PRKN: variants seen among roughly 807,000 people sequenced by gnomAD.
PRKN encodes the protein E3 ubiquitin-protein ligase parkin.
A neutral mutation model predicts 59.5 loss-of-function variants in PRKN; 56 were observed. That is an observed-to-expected ratio of 0.94 (90% CI 0.76 to 1.18). The LOEUF (loss-of-function observed/expected upper bound fraction) is 1.18, where lower values mean the gene tolerates loss of function less well. Among genes scored for constraint, PRKN ranks in the 50% most tolerant of loss-of-function variants. The probability of loss-of-function intolerance (pLI) is 0.00; values close to 1 mark genes in which losing one functional copy is unlikely to be tolerated. For missense variants in PRKN, 657 were observed against 596.4 expected, an observed-to-expected ratio of 1.10 and a Z score of -1.06; for synonymous variants, 250 against 222.1, an observed-to-expected ratio of 1.13 and a Z score of -1.12.
intron 10 of PRKN, among the ~76,000 whole-genome samples, chr6:161,375,716 G>C (rs1271168363): frequency 6.6e-6 from 1 of 152,202 alleles, no homozygotes; most frequent in African/African-American, 2.4e-5. Context: ...TGCTGCCCCA[G>C]AGCAAACCTT....
At chr6:161,620,496 T>C (rs1224491842) in intron 7 of PRKN, among the ~76,000 whole-genome samples, 1 of 152,174 alleles carries the variant, frequency 6.6e-6, no homozygotes, top group Admixed American at 6.5e-5. Flanking sequence ...AGGAATTATG[T>C]CGGATGTAGG....
At chr6:162,662,089 T>A (rs2128228410) in intron 1 of PRKN, among the ~76,000 whole-genome samples, 1 of 150,318 alleles carries the variant, frequency 6.7e-6, no homozygotes, top group East Asian at 1.9e-4. Context: ...TGAATGAAGG[T>A]ATCTTTTTTT....
At chr6:162,068,993 T>C (rs1489772700) in intron 4 of PRKN, among the ~76,000 whole-genome samples, 1 of 152,200 alleles carries the variant, frequency 6.6e-6, no homozygotes, top group African/African-American at 2.4e-5. Context: ...TAAACACATG[T>C]TTCAGTTTAG....
intron 6 of PRKN, among the ~76,000 whole-genome samples, chr6:161,852,414 C>T (rs1172807520): frequency 1.3e-5 from 2 of 152,134 alleles, no homozygotes; most frequent in East Asian, 1.9e-4. Context: ...GATCACATCA[C>T]TGCACTCCAG....
intron 4 of PRKN, among the ~76,000 whole-genome samples, chr6:162,167,193 T>C (rs1174114979): frequency 6.6e-6 from 1 of 152,170 alleles, no homozygotes; most frequent in East Asian, 1.9e-4. Flanking sequence ...TTTTAAATAA[T>C]TGAATATATA....
chr6:162,391,936 A>G (rs889079696), intron 2 of PRKN, among the ~76,000 whole-genome samples: 1 of 152,206 alleles, frequency 6.6e-6, no homozygotes, highest in Non-Finnish European at 1.5e-5. Context: ...TAAATAGTGC[A>G]CTTGGCTAAG....
In PRKN at chr6:162,675,024, TTTATTTTATTTA is replaced by T. The variant is rs1402633243; in HGVS notation, c.7+52626_7+52637del. On this transcript the variant is annotated intron_variant, in intron 1 of 11. Transcript: ENST00000366898. Reference sequence around the variant, plus strand: ...TTTTGGGGCGGCAGAGAAAGAAGACTTTATTTTATTTATTTATTTATTTATTTATTTATTTAT... The same window carrying T: ...TTTTGGGGCGGCAGAGAAAGAAGACTTTTATTTATTTATTTATTTATTTAT... Among the ~76,000 whole-genome samples the T allele has an allele frequency of 6.8e-5, 7 of 103,686 alleles. No individual in the cohort carries two copies. The Admixed American group carries it at 7.1e-4, about 11-fold the overall frequency. 68.0% of individuals were successfully genotyped at this position (103,686 alleles called of 152,430 possible). A position where few individuals can be genotyped will look rare whatever the true frequency, so the allele number is the denominator to read the frequency against.
intron 7 of PRKN, among the ~76,000 whole-genome samples, chr6:161,775,547 G>T (rs1789887959): frequency 1.3e-5 from 2 of 152,292 alleles, no homozygotes; most frequent in South Asian, 4.1e-4. Flanking sequence ...GCCTAAGTTA[G>T]CAATTCCGTA....
intron 6 of PRKN, among the ~76,000 whole-genome samples, chr6:161,925,535 C>T (rs1344464408): frequency 2.0e-5 from 3 of 152,008 alleles, no homozygotes; most frequent in African/African-American, 7.3e-5. Flanking sequence ...CGTGCCACTG[C>T]ACTCCACGCT....
Position 161,710,792 on chromosome 6 carries a change from T to C in PRKN, c.871+74980A>G, listed in dbSNP as rs533455280. 5.3e-5 allele frequency among the ~76,000 whole-genome samples: 8 copies of C among 151,856 alleles called. No homozygotes were observed. In the South Asian group the frequency reaches 1.7e-3, roughly 32 times the overall value. ...GCCTGCTTAACTTCCTTCCTTCTTT[T>C]CTTTCTTCCTTCCTTCCCTCCCTCC... On this transcript the variant is annotated intron_variant, in intron 7 of 11. Transcript: ENST00000366898.
chr6:162,196,330 G>T (rs956489135), intron 4 of PRKN, among the ~76,000 whole-genome samples: 1 of 152,136 alleles, frequency 6.6e-6, no homozygotes, highest in Non-Finnish European at 1.5e-5. Flanking sequence ...ATAAATTGGT[G>T]CTAGGGAAAT....
At chr6:162,518,408 C>G (rs1304037791) in intron 1 of PRKN, among the ~76,000 whole-genome samples, 2 of 152,112 alleles carry the variant, frequency 1.3e-5, no homozygotes, top group African/African-American at 4.8e-5. Flanking sequence ...AACTGCTGCC[C>G]AGGTTGGAGT....
chr6:162,339,217 A>C (rs1360224273), intron 2 of PRKN, among the ~76,000 whole-genome samples: 68 of 146,026 alleles, frequency 4.7e-4, no homozygotes, highest in Non-Finnish European at 8.3e-4. Context: ...TCCGCCCGGC[A>C]GCCACCCCGT....
chr6:161,770,649 G>A (rs1789627426), intron 7 of PRKN, among the ~76,000 whole-genome samples: 1 of 151,972 alleles, frequency 6.6e-6, no homozygotes, highest in African/African-American at 2.4e-5. Context: ...TGTATTTTTA[G>A]TAAAGACGGG....
At chr6:161,747,542 T>A (rs1316190196) in intron 7 of PRKN, among the ~76,000 whole-genome samples, 1 of 152,176 alleles carries the variant, frequency 6.6e-6, no homozygotes, top group Non-Finnish European at 1.5e-5. Context: ...AATTCTGTAG[T>A]GCAGCCAAAT....
chr6:161,639,503 T>C (rs982918401), intron 7 of PRKN, among the ~76,000 whole-genome samples: 2 of 152,144 alleles, frequency 1.3e-5, no homozygotes, highest in African/African-American at 4.8e-5. Flanking sequence ...TGTTTGAAAT[T>C]TGGGAGCTAA....
intron 6 of PRKN, among the ~76,000 whole-genome samples, chr6:161,917,537 A>C (rs1040035033): frequency 6.6e-6 from 1 of 152,354 alleles, no homozygotes; most frequent in South Asian, 2.1e-4. Context: ...ATGATGGATT[A>C]GGATATGATG....
At chr6:162,123,488 T>C (rs1438506360) in intron 4 of PRKN, among the ~76,000 whole-genome samples, 1 of 152,226 alleles carries the variant, frequency 6.6e-6, no homozygotes, top group Non-Finnish European at 1.5e-5. Context: ...TTACCGCCAC[T>C]AGTTACTTAT....
chr6:161,601,196 A>C (rs1782091930), intron 7 of PRKN, among the ~76,000 whole-genome samples: 1 of 152,186 alleles, frequency 6.6e-6, no homozygotes, highest in Admixed American at 6.5e-5. Context: ...TTACGACAAA[A>C]TACCATAAAC....
Sources: gnomAD v4.1 joint callset for allele counts (sites outside exome capture counted in the v4.1 genomes callset) on GRCh38, gnomAD v4.1.1 for gene constraint, MANE v1.5 for transcripts, NCBI Gene and HGNC (gene_info 2026-07-23, HGNC 2026-07-21) for gene names.